Variants in SUMF1 observed in about 807,000 individuals in gnomAD.
SUMF1 encodes the protein formylglycine-generating enzyme.
Under a neutral mutation model 47.6 loss-of-function variants are expected in SUMF1, and 48 were observed. The ratio of observed to expected loss-of-function variants is 1.01; its 90% confidence interval spans 0.80 to 1.28. The LOEUF (loss-of-function observed/expected upper bound fraction) is 1.28, where lower values mean the gene tolerates loss of function less well. Ranked by LOEUF, SUMF1 falls within the 50% of genes most tolerant of loss-of-function variation. SUMF1 has a pLI of 0.00. For missense variants in SUMF1, 571 were observed against 485.4 expected (o/e 1.18, Z -1.66); for synonymous variants, 230 against 192.1 (o/e 1.20, Z -1.63).
At chr3:4,447,282 A>G (rs887836190) in intron 3 of SUMF1, among the ~76,000 whole-genome samples, 16 of 152,246 alleles carry the variant, frequency 1.1e-4, no homozygotes, top group Admixed American at 5.9e-4. Context: ...AATAAACCAT[A>G]TTATTAACTA....
chr3:4,255,201 A>C (rs1430758191), intron 8 of SUMF1, among the ~76,000 whole-genome samples: 1 of 139,372 alleles, frequency 7.2e-6, no homozygotes, highest in East Asian at 2.0e-4. Context: ...AAGAAACTGC[A>C]TCAACTAACG....
At chr3:4,302,141 G>T (rs564391820) in intron 8 of SUMF1, among the ~76,000 whole-genome samples, 18 of 152,174 alleles carry the variant, frequency 1.2e-4, no homozygotes, top group Non-Finnish European at 2.2e-4. Flanking sequence ...AATTTAGAAA[G>T]TTTATTTTCC....
At chr3:4,120,641 A>C (rs1332834109) in intron 8 of SUMF1, among the ~76,000 whole-genome samples, 1 of 152,096 alleles carries the variant, frequency 6.6e-6, no homozygotes, top group Non-Finnish European at 1.5e-5. Flanking sequence ...CACAGATATC[A>C]GATAGAGATT....
chr3:4,456,822 G>GTGTA (rs2079641309), intron 1 of SUMF1, among the ~76,000 whole-genome samples: 3 of 9,894 alleles, frequency 3.0e-4, no homozygotes, highest in Admixed American at 1.1e-3. Flanking sequence ...ACGTGTGTGT[G>GTGTA]TATATATACG....
chr3:4,376,467 A>T lies in SUMF1; in HGVS notation c.955-78T>A. On this transcript the variant is annotated intron_variant, in intron 7 of 8. Coordinates refer to ENST00000272902, the MANE Select transcript of SUMF1 (RefSeq NM_182760.4). ...ACACAGTGGGAGAGAATCCACTTTG[A>T]TCCAACCAGCTCTCTCATGGTTGCC... 3 of 1,444,392 alleles carry T rather than the reference A, an allele frequency of 2.1e-6. No individual in the cohort carries two copies. The East Asian group carries it at 6.8e-5, about 33-fold the overall frequency. The allele number at this position is 1,444,392 out of a possible 1,614,324, so 89.5% of individuals were successfully genotyped here.
chr3:4,253,781 G>A (rs1293311765), intron 8 of SUMF1, among the ~76,000 whole-genome samples: 9 of 146,380 alleles, frequency 6.1e-5, no homozygotes, highest in Non-Finnish European at 1.3e-4. Flanking sequence ...AGGCCTGCCT[G>A]CCTCTGTAGG....
At chr3:4,306,156 G>A (rs537481314) in intron 8 of SUMF1, among the ~76,000 whole-genome samples, 3 of 152,218 alleles carry the variant, frequency 2.0e-5, no homozygotes, top group South Asian at 2.1e-4. Flanking sequence ...GTGTGTGTGC[G>A]TTTGAGACTA....
At chr3:4,288,684 G>A (rs931464029) in intron 8 of SUMF1, among the ~76,000 whole-genome samples, 2 of 151,990 alleles carry the variant, frequency 1.3e-5, no homozygotes, top group Non-Finnish European at 2.9e-5. Context: ...TGTAATCCCA[G>A]CTACTCAGAG....
chr3:4,069,875 T>A (rs1695477501), intron 8 of SUMF1, among the ~76,000 whole-genome samples: 1 of 152,188 alleles, frequency 6.6e-6, no homozygotes, highest in Non-Finnish European at 1.5e-5. Flanking sequence ...AAAATCCACA[T>A]CCTATAGAGA....
chr3:4,313,918 T>G, intron 8 of SUMF1: 2 of 1,341,640 alleles, frequency 1.5e-6, no homozygotes. Context: ...GTAATAGAAT[T>G]CTCCATTTAA....
intron 8 of SUMF1, among the ~76,000 whole-genome samples, chr3:4,109,281 T>C (rs1022132446): frequency 3.3e-5 from 5 of 152,280 alleles, no homozygotes; most frequent in Admixed American, 3.3e-4. Flanking sequence ...GTAGAGTTTC[T>C]GCAGAGAGAT....
intron 8 of SUMF1, among the ~76,000 whole-genome samples, chr3:4,071,800 G>A (rs1231133272): frequency 3.3e-5 from 5 of 152,314 alleles, no homozygotes; most frequent in African/African-American, 2.4e-5. Flanking sequence ...CTCTGTCAGG[G>A]ACTTAGAGAA....
chr3:4,068,446 C>A (rs1695430507), intron 9 of SUMF1: 1 of 170,152 alleles, frequency 5.9e-6, no homozygotes, highest in South Asian at 1.3e-4. Context: ...TAATAATATA[C>A]TTTAACACAA....
At chr3:4,130,450 T>G (rs1693760619) in intron 8 of SUMF1, among the ~76,000 whole-genome samples, 1 of 152,192 alleles carries the variant, frequency 6.6e-6, no homozygotes, top group Non-Finnish European at 1.5e-5. Flanking sequence ...CAGAAAGACC[T>G]TGATCTCTTT....
At chr3:4,076,640 A>G (rs925276207) in intron 8 of SUMF1, among the ~76,000 whole-genome samples, 17 of 152,104 alleles carry the variant, frequency 1.1e-4, no homozygotes, top group African/African-American at 4.1e-4. Flanking sequence ...ACTTAAACAA[A>G]TTTACAAGAA....
intron 8 of SUMF1, among the ~76,000 whole-genome samples, chr3:4,345,815 G>A (rs1454856471): frequency 2.0e-5 from 3 of 151,922 alleles, no homozygotes; most frequent in African/African-American, 7.3e-5. Flanking sequence ...ACACACATAG[G>A]CTCAAAATAA....
At chr3:4,068,718 G>C (rs1004619415) in exon 9 of SUMF1, 5 of 440,260 alleles carry the variant, frequency 1.1e-5, no homozygotes, top group Admixed American at 2.6e-5. Context: ...GCCACATCTT[G>C]AAAATAGGGA....
intron 7 of SUMF1, among the ~76,000 whole-genome samples, chr3:4,396,686 T>C (rs1225370250): frequency 2.6e-5 from 4 of 152,216 alleles, no homozygotes; most frequent in African/African-American, 9.6e-5. Flanking sequence ...CCATGGTTTC[T>C]TGCTGAGGTG....
intron 9 of SUMF1, among the ~76,000 whole-genome samples, chr3:4,059,566 T>C (rs1313428190): frequency 1.3e-5 from 2 of 152,150 alleles, no homozygotes; most frequent in Non-Finnish European, 2.9e-5. Context: ...ACATTGCATT[T>C]TGCAGAGAAT....
Sources: gnomAD v4.1 joint callset for allele counts (sites outside exome capture counted in the v4.1 genomes callset) on GRCh38, gnomAD v4.1.1 for gene constraint, MANE v1.5 for transcripts, NCBI Gene and HGNC (gene_info 2026-07-23, HGNC 2026-07-21) for gene names.